BAZ2B: variants seen among roughly 807,000 people sequenced by gnomAD.
BAZ2B encodes bromodomain adjacent to zinc finger domain 2B.
Under a neutral mutation model 246.0 loss-of-function variants are expected in BAZ2B, and 91 were observed. That is an observed-to-expected ratio of 0.37 (90% CI 0.31 to 0.44). The LOEUF (loss-of-function observed/expected upper bound fraction) is 0.44. Ranked by LOEUF, BAZ2B falls within the 20% of genes least tolerant of loss-of-function variation. The probability of loss-of-function intolerance (pLI) is 1.00; values close to 1 mark genes in which losing one functional copy is unlikely to be tolerated. For synonymous variants in BAZ2B, 855 were observed against 860.0 expected, an observed-to-expected ratio of 0.99 and a Z score of 0.10; for missense variants, 2,332 against 2,533.7, an observed-to-expected ratio of 0.92 and a Z score of 1.71.
intron 1 of BAZ2B, among the ~76,000 whole-genome samples, chr2:159,586,098 T>C (rs1188613452): frequency 6.6e-6 from 1 of 152,030 alleles, no homozygotes; most frequent in Admixed American, 6.6e-5. Flanking sequence ...GTTTTTACAC[T>C]AATTATTTTA....
chr2:159,580,569 A>G (rs12993160), intron 1 of BAZ2B, among the ~76,000 whole-genome samples: 9,935 of 152,322 alleles, frequency 0.065, 421 homozygotes, highest in Middle Eastern at 0.17. Flanking sequence ...AAACTACTTT[A>G]AAGTTCATAT....
the BAZ2B span, among the ~76,000 whole-genome samples, chr2:159,648,967 C>T: frequency 6.6e-6 from 1 of 152,102 alleles, no homozygotes; most frequent in South Asian, 2.1e-4. Context: ...TATCCCACAT[C>T]CCTAGCCAAA....
At position 159,386,334 on chromosome 2, in the gene BAZ2B, A is replaced by C; in HGVS notation, c.3471+19T>G. ...TGACAGTACAAATTTAAAACATTTTATATTTTGTTTTTTTTTACCTTGTAT... is the reference window on the plus strand; with the variant it reads ...TGACAGTACAAATTTAAAACATTTTCTATTTTGTTTTTTTTTACCTTGTAT... On this transcript the variant is annotated intron_variant, in intron 22 of 36. Coordinates refer to ENST00000392783, the MANE Select transcript of BAZ2B (RefSeq NM_013450.4). 3 of 1,592,498 alleles carry C rather than the reference A, an allele frequency of 1.9e-6. No individual in the cohort carries two copies. The highest frequency in any genetic ancestry group is 2.6e-6 in the Non-Finnish European group (3 of 1,169,596).
At chr2:159,698,515 C>CAAA in the BAZ2B span, among the ~76,000 whole-genome samples, 47 of 130,460 alleles carry the variant, frequency 3.6e-4, no homozygotes, top group Admixed American at 7.1e-4. Flanking sequence ...CACCATCCCA[C>CAAA]AAAAAAAAAA....
chr2:159,462,080 G>A (rs528484332), intron 3 of BAZ2B: 42 of 245,638 alleles, frequency 1.7e-4, no homozygotes, highest in South Asian at 1.0e-3. Context: ...CAGTAGCAGC[G>A]CTTCATGGCT....
At chr2:159,517,834 C>A (rs2083592883) in intron 2 of BAZ2B, among the ~76,000 whole-genome samples, 1 of 152,126 alleles carries the variant, frequency 6.6e-6, no homozygotes, top group Non-Finnish European at 1.5e-5. Flanking sequence ...CACATTAATG[C>A]AAGTTGCTAA....
chr2:159,598,969 G>T (rs1691436700), intron 1 of BAZ2B, among the ~76,000 whole-genome samples: 2 of 152,176 alleles, frequency 1.3e-5, no homozygotes, highest in African/African-American at 4.8e-5. Flanking sequence ...TTAACTGGGT[G>T]TGGTGGCTCA....
chr2:159,353,616 T>G (rs2058781790), intron 27 of BAZ2B, among the ~76,000 whole-genome samples: 1 of 152,212 alleles, frequency 6.6e-6, no homozygotes, highest in African/African-American at 2.4e-5. Flanking sequence ...AGCTAAATAC[T>G]GATCAGCACA....
intron 1 of BAZ2B, among the ~76,000 whole-genome samples, chr2:159,557,208 C>A (rs1467556473): frequency 1.4e-5 from 2 of 145,990 alleles, no homozygotes; most frequent in Non-Finnish European, 3.0e-5. Flanking sequence ...TGTCACTACA[C>A]CTGGCTAATT....
At chr2:159,376,053 T>C (rs1450068682) in intron 25 of BAZ2B, among the ~76,000 whole-genome samples, 1 of 152,154 alleles carries the variant, frequency 6.6e-6, no homozygotes. Flanking sequence ...TATCTCCAAA[T>C]TGTAGGTTTT....
chr2:159,558,814 T>C (rs1239429115), intron 1 of BAZ2B, among the ~76,000 whole-genome samples: 1 of 152,016 alleles, frequency 6.6e-6, no homozygotes, highest in Non-Finnish European at 1.5e-5. Flanking sequence ...TGAAGAAAGA[T>C]TTCCAAAGAG....
the BAZ2B span, among the ~76,000 whole-genome samples, chr2:159,640,482 A>C: frequency 9.7e-3 from 1,484 of 152,246 alleles, 12 homozygotes; most frequent in Non-Finnish European, 0.016. Flanking sequence ...TCAAAAAAAA[A>C]CCTGAAATAG....
chr2:159,369,869 G>A (rs552545440), intron 27 of BAZ2B, among the ~76,000 whole-genome samples: 10 of 152,174 alleles, frequency 6.6e-5, no homozygotes, highest in South Asian at 4.1e-4. Context: ...TTTATATTCC[G>A]TTGGGTATAT....
chr2:159,689,937 T>C, the BAZ2B span: 3 of 369,550 alleles, frequency 8.1e-6, no homozygotes, highest in Non-Finnish European at 1.5e-5. Flanking sequence ...TAACTATCAG[T>C]AGTCTTGACA....
intron 1 of BAZ2B, among the ~76,000 whole-genome samples, chr2:159,570,947 G>T (rs1440194772): frequency 6.6e-6 from 1 of 152,036 alleles, no homozygotes; most frequent in South Asian, 2.1e-4. Flanking sequence ...TCCTCCTCCT[G>T]GGTTCAAGAG....
rs2078902477 is a variant in BAZ2B at position 159,478,643 on chromosome 2, G to C, written c.77C>G (p.Ala26Gly). ...TPTSSSTPSV[A>G]SVVSKGGLST... is the part of the protein sequence containing the mutation. ...AAGGCCACCTTTTGAAACTACTGAAGCCACAGAAGGTGTCGAAGATGAAGT... is the reference window on the plus strand; with the variant it reads ...AAGGCCACCTTTTGAAACTACTGAACCCACAGAAGGTGTCGAAGATGAAGT... Residue 26 changes from alanine to glycine, a missense_variant, in exon 3 of 37, where the codon GCT becomes GGT. Physicochemically the swap from Ala to Gly is moderately conservative, Grantham distance 60. Around this residue, in one of 9 missense-constraint regions of BAZ2B, gnomAD observed 242 missense variants for 237.4 expected, o/e 1.02. Coordinates refer to ENST00000392783, the MANE Select transcript of BAZ2B (RefSeq NM_013450.4). 6.2e-7 allele frequency: 1 copy of C among 1,611,506 alleles called. No individual in the cohort carries two copies. The highest frequency in any genetic ancestry group is 8.5e-7 in the Non-Finnish European group (1 of 1,178,480).
At chr2:159,462,145 T>C (rs894878161) in intron 3 of BAZ2B, 1 of 335,002 alleles carries the variant, frequency 3.0e-6, no homozygotes, top group Non-Finnish European at 5.5e-6. Context: ...CTCTCCAACA[T>C]TAAATGTGGC....
the BAZ2B span, among the ~76,000 whole-genome samples, chr2:159,636,354 C>A: frequency 6.6e-6 from 1 of 152,236 alleles, no homozygotes; most frequent in African/African-American, 2.4e-5. Context: ...GAGAAACTCT[C>A]ACCACTGTGG....
the BAZ2B span, among the ~76,000 whole-genome samples, chr2:159,692,386 G>T: frequency 6.6e-6 from 1 of 152,082 alleles, no homozygotes; most frequent in African/African-American, 2.4e-5. Flanking sequence ...TTGACCTCCT[G>T]ACCTCAGGTG....
Sources: gnomAD v4.1 joint callset for allele counts (sites outside exome capture counted in the v4.1 genomes callset) on GRCh38, gnomAD v4.1.1 for gene constraint, gnomAD v4.1.1 regional missense constraint, MANE v1.5 for transcripts, NCBI Gene and HGNC (gene_info 2026-07-23, HGNC 2026-07-21) for gene names.